The following CSMD1 variants were observed in gnomAD, a reference collection of about 807,000 sequenced individuals.
The protein encoded by CSMD1 is CUB and sushi domain-containing protein 1.
CSMD1 carries 213 observed loss-of-function variants against 417.5 expected under a neutral mutation model. That is an observed-to-expected ratio of 0.51 (90% CI 0.46 to 0.57). The LOEUF is 0.57. Among genes scored for constraint, CSMD1 ranks in the 20% least tolerant of loss-of-function variants. The probability of loss-of-function intolerance (pLI) is 0.00; values close to 1 mark genes in which losing one functional copy is unlikely to be tolerated. For missense variants in CSMD1, 6,923 were observed against 4,529.7 expected, an observed-to-expected ratio of 1.53 and a Z score of -15.17; for synonymous variants, 2,862 against 1,736.8, an observed-to-expected ratio of 1.65 and a Z score of -16.11.
chr8:3,605,671 G>T (rs1352638858), intron 8 of CSMD1, among the ~76,000 whole-genome samples: 2 of 152,020 alleles, frequency 1.3e-5, no homozygotes, highest in Non-Finnish European at 2.9e-5. Context: ...AATAAACATG[G>T]TATCCTCGAG....
chr8:2,975,317 T>C (rs970599282), intron 55 of CSMD1, among the ~76,000 whole-genome samples: 1 of 152,130 alleles, frequency 6.6e-6, no homozygotes, highest in Non-Finnish European at 1.5e-5. Context: ...AATAGGATAG[T>C]GAAGATTTAT....
rs1042766332 is a variant in CSMD1, at chr8:3,018,781, G to T, written c.7856-131C>A. 1.8e-5 allele frequency: 14 copies of T among 781,596 alleles called. No homozygotes were observed. The Admixed American group carries it at 3.1e-4, about 17-fold the overall frequency. The allele number at this position is 781,596 out of a possible 1,614,324, so 48.4% of individuals were successfully genotyped here. A position where few individuals can be genotyped will look rare whatever the true frequency, so the allele number is the denominator to read the frequency against. On this transcript the variant is annotated intron_variant, in intron 51 of 69. Transcript: ENST00000635120. ...TAGTCTTAATTTTCACTAAGAACAT[G>T]GTTGAGAGTGTCTGCTTAGGGCTGG...
At chr8:4,477,920 T>A (rs537743475) in intron 2 of CSMD1, among the ~76,000 whole-genome samples, 1 of 152,308 alleles carries the variant, frequency 6.6e-6, no homozygotes, top group South Asian at 2.1e-4. Context: ...CCTGATCAAT[T>A]TTTGCCTGGC....
chr8:4,640,256 A>T (rs112040908), intron 1 of CSMD1, among the ~76,000 whole-genome samples: 8 of 152,352 alleles, frequency 5.3e-5, no homozygotes, highest in African/African-American at 1.9e-4. Context: ...GCAACTGCTC[A>T]AAAGTTCTTA....
intron 3 of CSMD1, among the ~76,000 whole-genome samples, chr8:4,212,949 A>G (rs1800410294): frequency 6.6e-6 from 1 of 151,944 alleles, no homozygotes; most frequent in Non-Finnish European, 1.5e-5. Context: ...CTTCCCTCAT[A>G]CCCACTGAAG....
chr8:3,555,988 G>A (rs1385625152), intron 10 of CSMD1, among the ~76,000 whole-genome samples: 9 of 152,066 alleles, frequency 5.9e-5, no homozygotes, highest in Admixed American at 5.9e-4. Context: ...ATTAAAACTG[G>A]TGATTTCAAT....
intron 3 of CSMD1, among the ~76,000 whole-genome samples, chr8:4,210,844 A>C (rs563872743): frequency 2.0e-5 from 3 of 152,278 alleles, no homozygotes; most frequent in Admixed American, 1.3e-4. Flanking sequence ...GTATCTCGGG[A>C]AAGAAATGTT....
chr8:4,848,822 G>T (rs557982355), intron 1 of CSMD1, among the ~76,000 whole-genome samples: 2 of 152,330 alleles, frequency 1.3e-5, no homozygotes, highest in Admixed American at 1.3e-4. Flanking sequence ...GGGATTACAG[G>T]CGTGAGCCAA....
At chr8:4,250,600 G>T (rs748789978) in intron 3 of CSMD1, among the ~76,000 whole-genome samples, 30 of 152,134 alleles carry the variant, frequency 2.0e-4, no homozygotes, top group Admixed American at 5.9e-4. Flanking sequence ...GATTATAATT[G>T]ATAGGTCTAC....
intron 5 of CSMD1, among the ~76,000 whole-genome samples, chr8:3,859,602 G>A (rs956558963): frequency 6.6e-6 from 1 of 152,104 alleles, no homozygotes; most frequent in African/African-American, 2.4e-5. Flanking sequence ...GACCAACCAT[G>A]TTATTTATGG....
intron 4 of CSMD1, among the ~76,000 whole-genome samples, chr8:4,008,975 G>A (rs17068527): frequency 0.1 from 15,726 of 152,124 alleles, 982 homozygotes; most frequent in South Asian, 0.22. Context: ...TTTACAAACA[G>A]CAAAATCGTC....
At chr8:3,701,942 A>T (rs1482200) in intron 7 of CSMD1, among the ~76,000 whole-genome samples, 145,593 of 152,222 alleles carry the variant, frequency 0.96, 69,696 homozygotes, top group East Asian at 1. Context: ...TTTGGAAACT[A>T]GGGGCGAATA....
intron 1 of CSMD1, among the ~76,000 whole-genome samples, chr8:4,796,368 A>G (rs904932858): frequency 6.6e-6 from 1 of 152,086 alleles, no homozygotes; most frequent in African/African-American, 2.4e-5. Context: ...CCAGCTTTAT[A>G]AAGTTTATTC....
Position 4,994,604 on chromosome 8 carries a change from G to T in CSMD1, c.-188C>A. 3.3e-6 allele frequency: 2 copies of T among 600,978 alleles called. No homozygotes were observed. Among genetic ancestry groups the T allele is most frequent in the East Asian group, 5.7e-5 (2 of 34,942 alleles). 37.2% of individuals were successfully genotyped at this position (600,978 alleles called of 1,614,324 possible). ...GCTCGCTTCCCTCTCATAGCATCGG[G>T]TCCCGAGCCACTGCAGGGCTGAGCT... On this transcript the variant is annotated 5_prime_UTR_variant, in exon 1 of 70. Coordinates refer to ENST00000635120, the MANE Select transcript of CSMD1 (RefSeq NM_033225.6).
At chr8:3,564,738 C>T (rs1799625830) in intron 10 of CSMD1, among the ~76,000 whole-genome samples, 1 of 135,746 alleles carries the variant, frequency 7.4e-6, no homozygotes, top group Non-Finnish European at 1.6e-5. Context: ...ACCAACCAAC[C>T]AAACACACAA....
chr8:2,987,633 A>T (rs1482206144), intron 54 of CSMD1, among the ~76,000 whole-genome samples: 1 of 152,232 alleles, frequency 6.6e-6, no homozygotes. Flanking sequence ...TGAACACATG[A>T]CTTTTAAGTT....
At chr8:3,670,542 A>G (rs1462434425) in intron 7 of CSMD1, among the ~76,000 whole-genome samples, 1 of 122,302 alleles carries the variant, frequency 8.2e-6, no homozygotes, top group African/African-American at 2.9e-5. Context: ...TCCCATATAC[A>G]TATATCCCAT....
intron 10 of CSMD1, among the ~76,000 whole-genome samples, chr8:3,521,625 A>G (rs1484856108): frequency 6.6e-6 from 1 of 152,218 alleles, no homozygotes; most frequent in African/African-American, 2.4e-5. Flanking sequence ...TTGTACACGG[A>G]GCAAAGTACA....
intron 5 of CSMD1, among the ~76,000 whole-genome samples, chr8:3,772,218 AT>A: frequency 7.1e-6 from 1 of 140,144 alleles, no homozygotes; most frequent in Non-Finnish European, 1.6e-5. Flanking sequence ...ACACACACAT[AT>A]AATACACACA....
Sources: allele counts gnomAD v4.1 joint callset (sites outside exome capture counted in the v4.1 genomes callset), GRCh38; gene constraint gnomAD v4.1.1; transcripts MANE v1.5; gene names NCBI Gene and HGNC (gene_info 2026-07-23, HGNC 2026-07-21).